GRIK1: variants seen among roughly 807,000 people sequenced by gnomAD.
The protein encoded by GRIK1 is glutamate receptor ionotropic, kainate 1.
Under a neutral mutation model 105.7 loss-of-function variants are expected in GRIK1, and 69 were observed. That is an observed-to-expected ratio of 0.65 (90% CI 0.54 to 0.80). The LOEUF (loss-of-function observed/expected upper bound fraction) is 0.80. Among genes scored for constraint, GRIK1 ranks in the 30% least tolerant of loss-of-function variants. The pLI is 0.00. For missense variants in GRIK1, 1,109 were observed against 1,167.3 expected, an observed-to-expected ratio of 0.95 and a Z score of 0.73; for synonymous variants, 438 against 431.3, an observed-to-expected ratio of 1.02 and a Z score of -0.19.
At chr21:29,764,630 G>A (rs753453934) in intron 1 of GRIK1, among the ~76,000 whole-genome samples, 6 of 152,172 alleles carry the variant, frequency 3.9e-5, no homozygotes, top group Non-Finnish European at 7.4e-5. Context: ...GGCAAGGTCA[G>A]TAGTGAAGCC....
intron 1 of GRIK1, among the ~76,000 whole-genome samples, chr21:29,867,864 GA>G (rs879574395): frequency 0.045 from 3,452 of 77,350 alleles, 71 homozygotes; most frequent in East Asian, 0.08. Flanking sequence ...GAGAAAGAGA[GA>G]GAAAGAGAGA....
intron 1 of GRIK1, among the ~76,000 whole-genome samples, chr21:29,934,464 C>T (rs902900803): frequency 8.6e-5 from 13 of 151,866 alleles, no homozygotes; most frequent in Admixed American, 7.2e-4. Flanking sequence ...TTTCCAGCGC[C>T]CACTGGAGTT....
chr21:29,849,912 G>C (rs1355503988), intron 1 of GRIK1, among the ~76,000 whole-genome samples: 1 of 152,158 alleles, frequency 6.6e-6, no homozygotes, highest in Non-Finnish European at 1.5e-5. Flanking sequence ...CTCTAAGAGA[G>C]AATGACTGAA....
intron 1 of GRIK1, among the ~76,000 whole-genome samples, chr21:29,925,969 T>C (rs542260726): frequency 4.6e-5 from 7 of 152,324 alleles, no homozygotes; most frequent in African/African-American, 1.7e-4. Flanking sequence ...TTATTCTAAA[T>C]TGTTAAGCTA....
At chr21:29,607,482 G>T (rs1017305290) in intron 7 of GRIK1, among the ~76,000 whole-genome samples, 1 of 151,180 alleles carries the variant, frequency 6.6e-6, no homozygotes. Context: ...ATTATTTATA[G>T]ATTTGATTAC....
chr21:29,687,429 C>T (rs569920213), intron 3 of GRIK1, among the ~76,000 whole-genome samples: 1 of 152,244 alleles, frequency 6.6e-6, no homozygotes, highest in Admixed American at 6.5e-5. Context: ...AAGGCTTGTG[C>T]TTTTATTGAT....
intron 4 of GRIK1, among the ~76,000 whole-genome samples, chr21:29,666,878 C>A (rs1271453468): frequency 6.6e-6 from 1 of 151,900 alleles, no homozygotes; most frequent in African/African-American, 2.4e-5. Context: ...TTTTTCCTTT[C>A]AAAGCCTCAG....
intron 1 of GRIK1, among the ~76,000 whole-genome samples, chr21:29,838,094 T>C (rs1207083256): frequency 6.6e-6 from 1 of 152,162 alleles, no homozygotes; most frequent in African/African-American, 2.4e-5. Context: ...GGAAACTTCT[T>C]AAATTAATAA....
intron 1 of GRIK1, among the ~76,000 whole-genome samples, chr21:29,702,742 A>T (rs1407273794): frequency 6.6e-6 from 1 of 152,092 alleles, no homozygotes; most frequent in East Asian, 1.9e-4. Context: ...ACAAAAACAG[A>T]CAGAGACTGG....
At chr21:29,665,692 A>C (rs1245641179) in intron 4 of GRIK1, among the ~76,000 whole-genome samples, 1 of 152,252 alleles carries the variant, frequency 6.6e-6, no homozygotes, top group African/African-American at 2.4e-5. Flanking sequence ...AAATATTAGC[A>C]AGCTTTGATA....
At chr21:29,807,972 G>A (rs2066910565) in intron 1 of GRIK1, among the ~76,000 whole-genome samples, 1 of 152,032 alleles carries the variant, frequency 6.6e-6, no homozygotes, top group Non-Finnish European at 1.5e-5. Context: ...GAAGTGCAGG[G>A]TAACTTTACA....
intron 14 of GRIK1, among the ~76,000 whole-genome samples, chr21:29,565,422 G>A (rs768708704): frequency 2.0e-4 from 30 of 152,084 alleles, no homozygotes; most frequent in African/African-American, 6.8e-4. Flanking sequence ...CACCTTAAAG[G>A]TGTAGTGAGC....
At chr21:29,867,904 A>AAAGAG (rs2068870237) in intron 1 of GRIK1, among the ~76,000 whole-genome samples, 1 of 57,350 alleles carries the variant, frequency 1.7e-5, no homozygotes, top group South Asian at 6.8e-4. Flanking sequence ...GAGAGAGAGA[A>AAAGAG]AGAAAGAGAG....
chr21:29,553,884 G>C (rs1037372690), intron 16 of GRIK1, among the ~76,000 whole-genome samples: 1 of 152,052 alleles, frequency 6.6e-6, no homozygotes, highest in Admixed American at 6.5e-5. Context: ...CACCTCAAGA[G>C]CAAATTGAAA....
chr21:29,571,288 C>A (rs2090742024), intron 14 of GRIK1, among the ~76,000 whole-genome samples: 1 of 151,344 alleles, frequency 6.6e-6, no homozygotes, highest in Non-Finnish European at 1.5e-5. Context: ...ACTCAGGAGG[C>A]AGAGGTTGCA....
At chr21:29,576,651 G>A (rs1461617143) in intron 14 of GRIK1, among the ~76,000 whole-genome samples, 1 of 151,886 alleles carries the variant, frequency 6.6e-6, no homozygotes, top group Non-Finnish European at 1.5e-5. Context: ...TGAGTGGTTA[G>A]ATTGTATTCA....
Position 29,740,852 on chromosome 21 carries a change from G to A in GRIK1, c.119-46789C>T, listed in dbSNP as rs149039510. 4.4e-3 allele frequency among the ~76,000 whole-genome samples: 672 copies of A among 152,298 alleles called. 8 individuals are homozygous for A. The highest frequency in any genetic ancestry group is 0.015 in the African/African-American group (634 of 41,562). ...CTGCAGACGACTCAGGGGGTTGAGA[G>A]GTTGGCCTTTTCTTTGCTAAGGGAG... On this transcript the variant is annotated intron_variant, in intron 1 of 17. Transcript: ENST00000327783.
At chr21:29,763,862 G>T (rs2065591012) in intron 1 of GRIK1, 1 of 152,188 alleles carries the variant, frequency 6.6e-6, no homozygotes, top group Non-Finnish European at 1.5e-5. Flanking sequence ...GCAGTTGCTA[G>T]GTTTCACTCT....
intron 1 of GRIK1, among the ~76,000 whole-genome samples, chr21:29,820,400 T>C (rs926315718): frequency 1.4e-4 from 22 of 152,088 alleles, no homozygotes; most frequent in African/African-American, 5.3e-4. Context: ...TTTTCAATGA[T>C]AATGAAGAAT....
Sources: gnomAD v4.1 joint callset for allele counts (sites outside exome capture counted in the v4.1 genomes callset) on GRCh38, gnomAD v4.1.1 for gene constraint, MANE v1.5 for transcripts, NCBI Gene and HGNC (gene_info 2026-07-23, HGNC 2026-07-21) for gene names.